KAT6A: variants seen among roughly 807,000 people sequenced by gnomAD.
KAT6A encodes lysine acetyltransferase 6A, also known as histone acetyltransferase KAT6A.
In KAT6A, 9 loss-of-function variants were observed where a neutral mutation model predicts 198.4. The observed-to-expected ratio is 0.05, with a 90% confidence interval of 0.03 to 0.08. The LOEUF (loss-of-function observed/expected upper bound fraction) is 0.08. Ranked by LOEUF, KAT6A falls within the 10% of genes least tolerant of loss-of-function variation. KAT6A has a pLI of 1.00. For missense variants in KAT6A, 2,077 were observed against 2,509.9 expected, an observed-to-expected ratio of 0.83 and a Z score of 3.69; for synonymous variants, 890 against 883.0, an observed-to-expected ratio of 1.01 and a Z score of -0.14.
intron 2 of KAT6A, among the ~76,000 whole-genome samples, chr8:42,013,660 T>C (rs757965461): frequency 7.2e-5 from 11 of 152,244 alleles, no homozygotes; most frequent in Non-Finnish European, 1.3e-4. Flanking sequence ...TAATGGTCCT[T>C]CTATAATTTT....
chr8:41,950,050 T>C (rs1416020077), intron 9 of KAT6A, among the ~76,000 whole-genome samples: 1 of 152,192 alleles, frequency 6.6e-6, no homozygotes, highest in Non-Finnish European at 1.5e-5. Context: ...GCCACACCAA[T>C]ACAACTTGTA....
intron 2 of KAT6A, among the ~76,000 whole-genome samples, chr8:42,024,341 A>G (rs573082093): frequency 6.6e-6 from 1 of 152,332 alleles, no homozygotes; most frequent in South Asian, 2.1e-4. Context: ...ATAATTGTAC[A>G]TCTTTATGAG....
At chr8:42,018,249 T>C (rs977650355) in intron 2 of KAT6A, among the ~76,000 whole-genome samples, 1 of 152,114 alleles carries the variant, frequency 6.6e-6, no homozygotes, top group African/African-American at 2.4e-5. Flanking sequence ...AAATAAAAAT[T>C]ATTAGGCCAG....
chr8:42,039,951 G>A (rs1827567145), intron 2 of KAT6A, among the ~76,000 whole-genome samples: 1 of 150,026 alleles, frequency 6.7e-6, no homozygotes, highest in Admixed American at 6.6e-5. Context: ...CTTTCACCAC[G>A]TTAGCCAGGA....
chr8:42,028,562 T>G (rs932356483), intron 2 of KAT6A, among the ~76,000 whole-genome samples: 5 of 152,220 alleles, frequency 3.3e-5, no homozygotes, highest in African/African-American at 1.2e-4. Flanking sequence ...CCTAATCACT[T>G]TTGGTTTCCA....
At chr8:41,964,976 G>A (rs980834582) in intron 8 of KAT6A, among the ~76,000 whole-genome samples, 36 of 152,240 alleles carry the variant, frequency 2.4e-4, no homozygotes, top group Non-Finnish European at 1.2e-4. Flanking sequence ...ACAGATAAAA[G>A]GGGGATTACT....
intron 8 of KAT6A, among the ~76,000 whole-genome samples, chr8:41,962,443 G>C (rs752035152): frequency 6.6e-6 from 1 of 151,888 alleles, no homozygotes; most frequent in Non-Finnish European, 1.5e-5. Flanking sequence ...GCATCGTCTC[G>C]GACTCCCTGC....
intron 9 of KAT6A, among the ~76,000 whole-genome samples, chr8:41,952,797 A>G (rs1286103713): frequency 6.6e-6 from 1 of 152,212 alleles, no homozygotes; most frequent in East Asian, 1.9e-4. Flanking sequence ...AGTCACCTCA[A>G]GTTTCAAGCT....
intron 2 of KAT6A, among the ~76,000 whole-genome samples, chr8:42,033,848 T>C (rs1489460965): frequency 6.6e-6 from 1 of 151,672 alleles, no homozygotes; most frequent in Admixed American, 6.6e-5. Context: ...AAATTAAAAA[T>C]AAACAAAACA....
chr8:42,001,202 A>C (rs1825480795), intron 2 of KAT6A, among the ~76,000 whole-genome samples: 1 of 152,202 alleles, frequency 6.6e-6, no homozygotes, highest in Admixed American at 6.5e-5. Flanking sequence ...AAAAGAAATC[A>C]ATCTTTACTC....
intron 13 of KAT6A, among the ~76,000 whole-genome samples, 153 bp from the exon 14 acceptor site, chr8:41,943,153 A>G (rs187828831): frequency 1.3e-5 from 2 of 152,338 alleles, no homozygotes; most frequent in South Asian, 2.1e-4. Flanking sequence ...GTGCCACCAC[A>G]TGAGACGGCC....
At chr8:41,975,897 AGGATTT>A (rs757541836) in intron 7 of KAT6A, among the ~76,000 whole-genome samples, 4 of 152,244 alleles carry the variant, frequency 2.6e-5, no homozygotes, top group Non-Finnish European at 5.9e-5. Flanking sequence ...GTCTTTCATT[AGGATTT>A]GCTCTGAGAT....
At chr8:41,969,445 A>T (rs1424349149) in intron 8 of KAT6A, among the ~76,000 whole-genome samples, 1 of 152,150 alleles carries the variant, frequency 6.6e-6, no homozygotes, top group Admixed American at 6.5e-5. Context: ...CTCAAGCTAC[A>T]CATAAAACTC....
chr8:41,974,613 C>T, intron 8 of KAT6A, 91 bp downstream of exon 8: 3 of 734,280 alleles, frequency 4.1e-6, no homozygotes, highest in Non-Finnish European at 7.1e-6. Context: ...AGGCAAACTG[C>T]TGTTACTGCT....
At chr8:42,027,884 T>C (rs558244784) in intron 2 of KAT6A, among the ~76,000 whole-genome samples, 26 of 152,302 alleles carry the variant, frequency 1.7e-4, no homozygotes, top group African/African-American at 4.8e-4. Flanking sequence ...TTATGTGATA[T>C]CTTTCTACTT....
At chr8:42,019,535 T>C (rs931713881) in intron 2 of KAT6A, among the ~76,000 whole-genome samples, 2 of 152,190 alleles carry the variant, frequency 1.3e-5, no homozygotes, top group African/African-American at 4.8e-5. Flanking sequence ...CAAAAGTATG[T>C]TGCAGTATCA....
intron 2 of KAT6A, among the ~76,000 whole-genome samples, chr8:42,000,013 T>G (rs917030643): frequency 6.6e-6 from 1 of 152,238 alleles, no homozygotes; most frequent in African/African-American, 2.4e-5. Flanking sequence ...TGATTGCCAC[T>G]TCTTAACTCA....
intron 8 of KAT6A, chr8:41,957,547 G>A (rs1348471057): frequency 4.0e-6 from 1 of 250,172 alleles, no homozygotes; most frequent in African/African-American, 2.3e-5. Context: ...ATAATCAAGG[G>A]CACAAAATAT....
intron 3 of KAT6A, among the ~76,000 whole-genome samples, chr8:41,984,761 G>C (rs370947484): frequency 2.6e-5 from 4 of 152,034 alleles, no homozygotes; most frequent in African/African-American, 9.7e-5. Context: ...GGAGGATCAC[G>C]AGGTCAGGAG....
Sources: gnomAD v4.1 joint callset for allele counts (sites outside exome capture counted in the v4.1 genomes callset) on GRCh38, gnomAD v4.1.1 for gene constraint, MANE v1.5 for transcripts, NCBI Gene and HGNC (gene_info 2026-07-23, HGNC 2026-07-21) for gene names.